The following LHFPL6 variants were observed in gnomAD, a reference collection of about 807,000 sequenced individuals.
LHFPL6 encodes the protein LHFPL tetraspan subfamily member 6 protein.
In LHFPL6, 9 loss-of-function variants were observed where a neutral mutation model predicts 20.6. That is an observed-to-expected ratio of 0.44 (90% CI 0.26 to 0.76). LHFPL6 has a LOEUF of 0.76. Among genes scored for constraint, LHFPL6 ranks in the 30% least tolerant of loss-of-function variants. The pLI is 0.20. For missense variants in LHFPL6, 218 were observed against 253.5 expected (o/e 0.86, Z 0.95); for synonymous variants, 105 against 98.7 (o/e 1.06, Z -0.38).
intron 2 of LHFPL6, among the ~76,000 whole-genome samples, chr13:39,487,872 C>A (rs1439962296): frequency 1.3e-5 from 2 of 152,132 alleles, no homozygotes; most frequent in African/African-American, 2.4e-5. Flanking sequence ...AGGGAGAAAC[C>A]CTATCTCTGC....
chr13:39,470,556 A>C lies in LHFPL6; in HGVS notation c.386-92030T>G, dbSNP rs1460210665. Among the ~76,000 whole-genome samples, 2 of 152,180 alleles carry C rather than the reference A, an allele frequency of 1.3e-5. 1 individual carries two copies. The highest frequency in any genetic ancestry group is 1.3e-4 in the Admixed American group (2 of 15,280). ...TTAAATTATTTTATTTTGGGATGTAATGTATCGCATTTCATCTATGCACAC... is the reference window on the plus strand; with the variant it reads ...TTAAATTATTTTATTTTGGGATGTACTGTATCGCATTTCATCTATGCACAC... On this transcript the variant is annotated intron_variant, in intron 2 of 3. Transcript: ENST00000379589.
chr13:39,504,010 CA>C (rs1451944798), intron 2 of LHFPL6, among the ~76,000 whole-genome samples: 3 of 152,086 alleles, frequency 2.0e-5, no homozygotes, highest in African/African-American at 7.2e-5. Flanking sequence ...ATTCCATTGC[CA>C]AAAATGTTAG....
At chr13:39,378,590 G>A in intron 2 of LHFPL6, 64 bp from the exon 3 acceptor site, 1 of 1,256,384 alleles carries the variant, frequency 8.0e-7, no homozygotes, top group South Asian at 1.2e-5. Context: ...TAAAGGTGGT[G>A]GGATCAATAT....
chr13:39,578,972 A>G (rs1872200159), intron 2 of LHFPL6, among the ~76,000 whole-genome samples: 1 of 152,196 alleles, frequency 6.6e-6, no homozygotes, highest in East Asian at 1.9e-4. Context: ...AGGCACAACA[A>G]TGTTATTCTA....
At chr13:39,354,238 G>A (rs1397017384) in intron 3 of LHFPL6, among the ~76,000 whole-genome samples, 3 of 152,132 alleles carry the variant, frequency 2.0e-5, no homozygotes, top group Admixed American at 2.0e-4. Flanking sequence ...ACACATCACT[G>A]GTGAAGTGCA....
chr13:39,486,382 T>C (rs867427715), intron 2 of LHFPL6, among the ~76,000 whole-genome samples: 7 of 152,290 alleles, frequency 4.6e-5, no homozygotes, highest in South Asian at 4.1e-4. Flanking sequence ...CTACCAACAG[T>C]ATAGGCTGGG....
intron 3 of LHFPL6, among the ~76,000 whole-genome samples, chr13:39,344,471 G>A (rs1190247639): frequency 6.6e-6 from 1 of 152,198 alleles, no homozygotes; most frequent in Non-Finnish European, 1.5e-5. Flanking sequence ...CTTTGAGGAG[G>A]CAACCCATTT....
intron 2 of LHFPL6, among the ~76,000 whole-genome samples, chr13:39,511,428 T>G (rs1280610512): frequency 1.3e-5 from 2 of 151,414 alleles, no homozygotes; most frequent in African/African-American, 4.9e-5. Flanking sequence ...AATCACAGCA[T>G]TCTTTGTTCC....
rs1334348794 is a variant in LHFPL6 at position 39,351,480 on chromosome 13, A to T, written c.485-7426T>A. Among the ~76,000 whole-genome samples, 235 of 152,224 alleles carry T rather than the reference A, an allele frequency of 1.5e-3. 1 individual carries two copies. The highest frequency in any genetic ancestry group is 5.3e-3 in the African/African-American group (222 of 41,520). ...ATAAAAAAAGATCTTAATCAAATGC[A>T]TTTTTCTCATTTGTTAAATAGTACT... On this transcript the variant is annotated intron_variant, in intron 3 of 3. Transcript: ENST00000379589.
At chr13:39,520,365 C>A (rs1870068467) in intron 2 of LHFPL6, among the ~76,000 whole-genome samples, 2 of 152,092 alleles carry the variant, frequency 1.3e-5, no homozygotes, top group Non-Finnish European at 2.9e-5. Flanking sequence ...GACACCCAAC[C>A]CAAACAACCC....
intron 2 of LHFPL6, among the ~76,000 whole-genome samples, chr13:39,384,135 T>C (rs532462797): frequency 6.6e-6 from 1 of 152,326 alleles, no homozygotes; most frequent in African/African-American, 2.4e-5. Flanking sequence ...GAGCCAATAC[T>C]GATCTTAATA....
chr13:39,592,102 A>T (rs1872622283), intron 2 of LHFPL6, among the ~76,000 whole-genome samples: 1 of 152,168 alleles, frequency 6.6e-6, no homozygotes, highest in African/African-American at 2.4e-5. Flanking sequence ...GTCTCAAAAA[A>T]AAAAAAAGAA....
intron 2 of LHFPL6, among the ~76,000 whole-genome samples, chr13:39,583,797 C>A (rs1432431238): frequency 1.3e-5 from 2 of 152,178 alleles, no homozygotes; most frequent in African/African-American, 2.4e-5. Context: ...ATATCCTGAA[C>A]AAATCCTCAA....
At chr13:39,452,829 G>A (rs901262208) in intron 2 of LHFPL6, among the ~76,000 whole-genome samples, 4 of 152,188 alleles carry the variant, frequency 2.6e-5, no homozygotes, top group Admixed American at 2.6e-4. Flanking sequence ...TAAAAATAGG[G>A]CATCCTAGTC....
intron 3 of LHFPL6, among the ~76,000 whole-genome samples, chr13:39,374,586 G>A (rs1870241898): frequency 6.6e-6 from 1 of 151,930 alleles, no homozygotes; most frequent in African/African-American, 2.4e-5. Context: ...TATCTTTTCT[G>A]CAGAGTTAAG....
intron 2 of LHFPL6, among the ~76,000 whole-genome samples, chr13:39,421,762 A>AG (rs869305690): frequency 6.7e-4 from 1 of 1,496 alleles, no homozygotes; most frequent in Non-Finnish European, 0.021. Context: ...GAGAGGATGG[A>AG]AAAGGCTGAA....
chr13:39,601,265 G>A lies in LHFPL6; in HGVS notation c.-49C>T. 2 of 1,538,670 alleles carry A rather than the reference G, an allele frequency of 1.3e-6. No individual in the cohort carries two copies. Among genetic ancestry groups the A allele is most frequent in the Non-Finnish European group, 1.8e-6 (2 of 1,140,224 alleles). ...GACCCCAAGTAAGTGTTCAGGGACT[G>A]CAGGAGTGAATGAAGGTGTGAAATC... is the stretch of plus-strand genomic sequence containing the variant. On this transcript the variant is annotated 5_prime_UTR_variant, in exon 2 of 4. It introduces an in-frame stop codon into an upstream open reading frame of the 5' UTR. Transcript: ENST00000379589.
chr13:39,535,396 T>A (rs1444197955), intron 2 of LHFPL6, among the ~76,000 whole-genome samples: 1 of 152,234 alleles, frequency 6.6e-6, no homozygotes, highest in Non-Finnish European at 1.5e-5. Flanking sequence ...ATCCCAATGA[T>A]CACTTATCTT....
chr13:39,548,960 A>T (rs1241525457), intron 2 of LHFPL6, among the ~76,000 whole-genome samples: 2 of 152,184 alleles, frequency 1.3e-5, no homozygotes, highest in Non-Finnish European at 2.9e-5. Context: ...CACTGTTCAG[A>T]AAAAGATGAA....
Sources: gnomAD v4.1 joint callset for allele counts (sites outside exome capture counted in the v4.1 genomes callset) on GRCh38, gnomAD v4.1.1 for gene constraint, MANE v1.5 for transcripts, NCBI Gene and HGNC (gene_info 2026-07-23, HGNC 2026-07-21) for gene names.